The following PHF21B variants were observed in gnomAD, a reference collection of about 807,000 sequenced individuals.
PHF21B encodes PHD finger protein 21B, also known as PHD finger protein 4.
PHF21B carries 22 observed loss-of-function variants against 62.2 expected under a neutral mutation model. The ratio of observed to expected loss-of-function variants is 0.35; its 90% CI spans 0.25 to 0.51. The LOEUF is 0.51. Among genes scored for constraint, PHF21B ranks in the 20% least tolerant of loss-of-function variants. The probability of loss-of-function intolerance (pLI) is 0.97; values close to 1 mark genes in which losing one functional copy is unlikely to be tolerated. For missense variants in PHF21B, 701 were observed against 707.9 expected (o/e 0.99, Z 0.11); for synonymous variants, 341 against 314.7 (o/e 1.08, Z -0.88).
At chr22:44,949,362 C>A (rs1265180863) in intron 2 of PHF21B, among the ~76,000 whole-genome samples, 1 of 151,432 alleles carries the variant, frequency 6.6e-6, no homozygotes, top group African/African-American at 2.4e-5. Context: ...CATGCACCAG[C>A]TGGAAGAGGG....
At chr22:44,922,950 TA>T (rs1169418626) in intron 2 of PHF21B, among the ~76,000 whole-genome samples, 1 of 152,046 alleles carries the variant, frequency 6.6e-6, no homozygotes, top group Non-Finnish European at 1.5e-5. Context: ...AGCTTTTTTT[TA>T]AAAAAATAGA....
chr22:44,913,014 T>G (rs2071371722), intron 5 of PHF21B, among the ~76,000 whole-genome samples: 4 of 151,818 alleles, frequency 2.6e-5, no homozygotes, highest in Admixed American at 2.6e-4. Context: ...CAAGCTGCAG[T>G]ACACCTGCTG....
rs367729506 is a variant in PHF21B, at chr22:45,003,933, T to C, written c.120+4612A>G. On this transcript the variant is annotated intron_variant, in intron 2 of 12. Coordinates refer to ENST00000313237, the MANE Select transcript of PHF21B (RefSeq NM_138415.5). ...TTAATATAAGTGGAATCATACTATA[T>C]ACATAGCATAATCATACTATATAGT... Among the ~76,000 whole-genome samples the C allele has an allele frequency of 3.9e-5, 6 of 152,306 alleles. No homozygotes were observed. In the South Asian group the frequency reaches 1.0e-3, roughly 26 times the overall value.
chr22:44,885,546 C>T lies in PHF21B; in HGVS notation c.1274-17G>A. The T allele has an allele frequency of 6.4e-7, 1 of 1,571,914 alleles. No individual in the cohort carries two copies. Reference sequence around the variant, plus strand: ...CTTCTTTGACTAGAAAAGAGAAGGCCAGGTCCCTGGAGAGGGGCAGGTAAG... The same window carrying T: ...CTTCTTTGACTAGAAAAGAGAAGGCTAGGTCCCTGGAGAGGGGCAGGTAAG... On this transcript the variant is annotated splice_polypyrimidine_tract_variant and intron_variant, in intron 11 of 12. Coordinates refer to ENST00000313237, the MANE Select transcript of PHF21B (RefSeq NM_138415.5).
chr22:44,985,838 C>G (rs1455121937), intron 2 of PHF21B, among the ~76,000 whole-genome samples: 1 of 152,070 alleles, frequency 6.6e-6, no homozygotes, highest in South Asian at 2.1e-4. Flanking sequence ...TGGGCACCAC[C>G]GCCACTACCA....
Position 44,889,472 on chromosome 22 carries a change from G to T in PHF21B, c.1038+288C>A, listed in dbSNP as rs139156512. On this transcript the variant is annotated intron_variant, in intron 9 of 12. Transcript: ENST00000313237. ...TTTGGGCACCAGCTGGCTGCTTCCAGTTGGGCCTCAGTGGCCCCTGCAGTC... is the reference window on the plus strand; with the variant it reads ...TTTGGGCACCAGCTGGCTGCTTCCATTTGGGCCTCAGTGGCCCCTGCAGTC... Among the ~76,000 whole-genome samples, 1,249 of 152,348 alleles carry T rather than the reference G, an allele frequency of 8.2e-3. 19 individuals carry two copies. The highest frequency in any genetic ancestry group is 0.028 in the African/African-American group (1,165 of 41,576).
At chr22:44,995,938 G>C (rs1601692480) in intron 2 of PHF21B, among the ~76,000 whole-genome samples, 1 of 152,262 alleles carries the variant, frequency 6.6e-6, no homozygotes, top group East Asian at 1.9e-4. Flanking sequence ...GAGGGGACGT[G>C]GCAAGGGGCT....
chr22:44,901,069 G>A (rs1313248849), intron 5 of PHF21B, among the ~76,000 whole-genome samples: 1 of 152,260 alleles, frequency 6.6e-6, no homozygotes, highest in Non-Finnish European at 1.5e-5. Flanking sequence ...ATAGGTGGAA[G>A]ATCAGTGGAG....
intron 5 of PHF21B, among the ~76,000 whole-genome samples, chr22:44,906,226 A>G (rs1397131005): frequency 6.6e-6 from 1 of 152,200 alleles, no homozygotes; most frequent in African/African-American, 2.4e-5. Context: ...GGAGAGGTCC[A>G]TTCACGTGAA....
rs115674808 is a variant in PHF21B, at chr22:44,999,547, G to A, written c.120+8998C>T. Among the ~76,000 whole-genome samples the A allele has an allele frequency of 3.6e-3, 546 of 152,206 alleles. 5 individuals carry two copies. Among genetic ancestry groups the A allele is most frequent in the African/African-American group, 0.012 (515 of 41,532 alleles). On this transcript the variant is annotated intron_variant, in intron 2 of 12. Coordinates refer to ENST00000313237, the MANE Select transcript of PHF21B (RefSeq NM_138415.5). Reference sequence around the variant, plus strand: ...CTATTTCGGAGCAAAAGTACTGCTCGCGGTCACCAGGACGGTTACTAACTT... The same window carrying A: ...CTATTTCGGAGCAAAAGTACTGCTCACGGTCACCAGGACGGTTACTAACTT...
chr22:44,925,581 T>C (rs1305743241), intron 2 of PHF21B, among the ~76,000 whole-genome samples: 1 of 152,160 alleles, frequency 6.6e-6, no homozygotes, highest in Non-Finnish European at 1.5e-5. Flanking sequence ...TTTGGACATT[T>C]GTTAAAACAG....
intron 5 of PHF21B, 138 bp from the exon 6 acceptor site, chr22:44,896,221 C>T: frequency 1.2e-6 from 1 of 857,466 alleles, no homozygotes; most frequent in South Asian, 1.4e-5. Context: ...CTCCAGATGC[C>T]AAGTCAGTTT....
At chr22:44,992,009 G>A (rs2073049907) in intron 2 of PHF21B, among the ~76,000 whole-genome samples, 1 of 152,212 alleles carries the variant, frequency 6.6e-6, no homozygotes, top group East Asian at 1.9e-4. Flanking sequence ...GGACGTTGGG[G>A]GAGCGCACTT....
intron 2 of PHF21B, among the ~76,000 whole-genome samples, chr22:44,985,139 A>G (rs1389376867): frequency 6.6e-6 from 1 of 152,230 alleles, no homozygotes; most frequent in African/African-American, 2.4e-5. Context: ...AAACACACAC[A>G]AGCATCTTGT....
chr22:44,939,945 T>C (rs976395590), intron 2 of PHF21B, among the ~76,000 whole-genome samples: 1 of 152,020 alleles, frequency 6.6e-6, no homozygotes, highest in Non-Finnish European at 1.5e-5. Flanking sequence ...GGAAGAGTGA[T>C]GTATCTATCA....
intron 5 of PHF21B, chr22:44,902,063 C>T (rs12159443): frequency 0.052 from 11,942 of 229,754 alleles, 1,276 homozygotes; most frequent in African/African-American, 0.24. Flanking sequence ...GAGGGCGGTT[C>T]TCCTGAAGAG....
chr22:44,968,515 G>T (rs1177041773), intron 2 of PHF21B, among the ~76,000 whole-genome samples: 1 of 152,006 alleles, frequency 6.6e-6, no homozygotes, highest in Non-Finnish European at 1.5e-5. Context: ...GTGGTGGCAC[G>T]TGCTTGTAAT....
At chr22:44,981,996 C>T (rs1406039979) in intron 2 of PHF21B, among the ~76,000 whole-genome samples, 3 of 152,238 alleles carry the variant, frequency 2.0e-5, no homozygotes, top group South Asian at 2.1e-4. Context: ...CCCCAGCCCT[C>T]GGCTGCCTCC....
At chr22:44,939,679 G>A (rs901323857) in intron 2 of PHF21B, among the ~76,000 whole-genome samples, 1 of 152,144 alleles carries the variant, frequency 6.6e-6, no homozygotes, top group African/African-American at 2.4e-5. Context: ...GAGAAGTCAC[G>A]GCCACAGGGG....
Sources: allele counts gnomAD v4.1 joint callset (sites outside exome capture counted in the v4.1 genomes callset), GRCh38; gene constraint gnomAD v4.1.1; transcripts MANE v1.5; gene names NCBI Gene and HGNC (gene_info 2026-07-23, HGNC 2026-07-21).